Variants in ADARB2 observed in about 807,000 individuals in gnomAD.
ADARB2 encodes the protein adenosine deaminase RNA specific B2 (inactive), also known as inactive double-stranded RNA-specific editase B2.
A neutral mutation model predicts 62.2 loss-of-function variants in ADARB2; 25 were observed. The ratio of observed to expected loss-of-function variants is 0.40; its 90% CI spans 0.29 to 0.56. The LOEUF is 0.56. Ranked by LOEUF, ADARB2 falls within the 20% of genes least tolerant of loss-of-function variation. ADARB2 has a pLI of 0.43. For synonymous variants in ADARB2, 572 were observed against 500.8 expected, an observed-to-expected ratio of 1.14 and a Z score of -1.90; for missense variants, 1,071 against 1,077.4, an observed-to-expected ratio of 0.99 and a Z score of 0.08.
rs540457103 is a variant in ADARB2 at position 1,258,365 on chromosome 10, A to G, written c.1192+12590T>C. Among the ~76,000 whole-genome samples the G allele has an allele frequency of 3.9e-4, 59 of 152,296 alleles. No individual in the cohort carries two copies. In the South Asian group the frequency reaches 0.012, roughly 31 times the overall value. ...TCCAATTAAAAGGCACAGACTGGCA[A>G]ATTGGAAAAAGAGTCAAGACCCATC... On this transcript the variant is annotated intron_variant, in intron 4 of 9. Coordinates refer to ENST00000381312, the MANE Select transcript of ADARB2 (RefSeq NM_018702.4).
chr10:1,508,797 A>T (rs1831884432), intron 1 of ADARB2, among the ~76,000 whole-genome samples: 1 of 152,212 alleles, frequency 6.6e-6, no homozygotes, highest in Non-Finnish European at 1.5e-5. Context: ...CAAATAAAGA[A>T]GGAAAGAAGT....
intron 1 of ADARB2, among the ~76,000 whole-genome samples, chr10:1,395,299 C>T (rs1023552380): frequency 2.0e-5 from 3 of 152,176 alleles, no homozygotes; most frequent in Non-Finnish European, 4.4e-5. Context: ...AGGCTTTAAG[C>T]CCCATGGTGA....
chr10:1,251,639 TTGG>T (rs1831038763), intron 4 of ADARB2, among the ~76,000 whole-genome samples: 1 of 152,186 alleles, frequency 6.6e-6, no homozygotes, highest in Admixed American at 6.5e-5. Flanking sequence ...ATGTATAAAC[TTGG>T]TGGGTGCTAT....
At chr10:1,646,095 C>G (rs1029644115) in intron 1 of ADARB2, among the ~76,000 whole-genome samples, 34 of 152,164 alleles carry the variant, frequency 2.2e-4, no homozygotes, top group African/African-American at 7.0e-4. Context: ...GAGGGAAGAT[C>G]CCCATGTGGA....
intron 1 of ADARB2, among the ~76,000 whole-genome samples, chr10:1,555,531 G>A (rs1282161272): frequency 3.9e-5 from 6 of 152,194 alleles, no homozygotes; most frequent in Non-Finnish European, 8.8e-5. Context: ...TGCAGGGACC[G>A]TGAGTGAGTG....
intron 1 of ADARB2, among the ~76,000 whole-genome samples, chr10:1,420,627 A>AG (rs1242727367): frequency 6.6e-6 from 1 of 151,652 alleles, no homozygotes; most frequent in Non-Finnish European, 1.5e-5. Flanking sequence ...AAAAAAAAAA[A>AG]AAAGGCAGAG....
At chr10:1,671,885 C>T (rs537071531) in intron 1 of ADARB2, among the ~76,000 whole-genome samples, 6 of 152,158 alleles carry the variant, frequency 3.9e-5, no homozygotes, top group Admixed American at 6.5e-5. Context: ...TTCTCACTTG[C>T]ACTGGGGGGG....
chr10:1,725,090 G>A lies in ADARB2; in HGVS notation c.100+11961C>T, dbSNP rs569444342. 6.6e-5 allele frequency among the ~76,000 whole-genome samples: 10 copies of A among 152,314 alleles called. No individual in the cohort carries two copies. In the East Asian group the frequency reaches 1.7e-3, roughly 26 times the overall value. The stretch of plus-strand genomic sequence containing the variant: ...TGCACTGATTCACACCTGACTGAGC[G>A]CATGGACCCTGCAGAGAAGGAAAGT... On this transcript the variant is annotated intron_variant, in intron 1 of 9. Coordinates refer to ENST00000381312, the MANE Select transcript of ADARB2 (RefSeq NM_018702.4).
At chr10:1,712,792 G>T (rs1399697370) in intron 1 of ADARB2, among the ~76,000 whole-genome samples, 5 of 151,416 alleles carry the variant, frequency 3.3e-5, no homozygotes, top group Admixed American at 1.3e-4. Context: ...TGTATTTTTA[G>T]TAGAGACAGG....
Position 1,597,472 on chromosome 10 carries a change from T to G in ADARB2, c.100+139579A>C, listed in dbSNP as rs533084110. ...AGTGGGCACAGGACATGAGCAGACATTTTCAAAAAGAGACATATGAGGGGC... is the reference window on the plus strand; with the variant it reads ...AGTGGGCACAGGACATGAGCAGACAGTTTCAAAAAGAGACATATGAGGGGC... On this transcript the variant is annotated intron_variant, in intron 1 of 9. Transcript: ENST00000381312. Among the ~76,000 whole-genome samples the G allele has an allele frequency of 3.9e-5, 6 of 152,252 alleles. No individual in the cohort carries two copies. The South Asian group carries it at 1.0e-3, about 26-fold the overall frequency.
At chr10:1,498,581 C>T (rs1831722241) in intron 1 of ADARB2, among the ~76,000 whole-genome samples, 1 of 151,956 alleles carries the variant, frequency 6.6e-6, no homozygotes, top group South Asian at 2.1e-4. Context: ...AAGTGGAAAT[C>T]ATCCATCTAT....
intron 1 of ADARB2, among the ~76,000 whole-genome samples, chr10:1,598,839 C>T (rs1356377271): frequency 6.6e-6 from 1 of 152,232 alleles, no homozygotes; most frequent in African/African-American, 2.4e-5. Context: ...ATCTCCCAGG[C>T]AGGGATCTCA....
At chr10:1,281,709 T>A (rs1831372839) in intron 3 of ADARB2, among the ~76,000 whole-genome samples, 1 of 152,176 alleles carries the variant, frequency 6.6e-6, no homozygotes, top group Admixed American at 6.5e-5. Context: ...TGGCACTAGG[T>A]TCCTGGGTGA....
rs1329183705 is a variant in ADARB2 at position 1,478,993 on chromosome 10, G to A, written c.101-99833C>T. Among the ~76,000 whole-genome samples the A allele has an allele frequency of 6.6e-5, 10 of 152,316 alleles. No homozygotes were observed. In the East Asian group the frequency reaches 1.7e-3, roughly 26 times the overall value. On this transcript the variant is annotated intron_variant, in intron 1 of 9. Transcript: ENST00000381312. ...TCACCAACGAATCCAATAGCTGGTA[G>A]CACCCTCCCAAAAGGTAAGCCAGCA...
chr10:1,192,051 A>G (rs954027950), intron 8 of ADARB2, among the ~76,000 whole-genome samples: 3 of 152,258 alleles, frequency 2.0e-5, no homozygotes, highest in Non-Finnish European at 2.9e-5. Context: ...TCGCGGAGCT[A>G]TAAAAAGATG....
At chr10:1,721,178 G>A (rs1480631378) in intron 1 of ADARB2, among the ~76,000 whole-genome samples, 1 of 152,104 alleles carries the variant, frequency 6.6e-6, no homozygotes, top group African/African-American at 2.4e-5. Context: ...AAGGGCCCTG[G>A]CCCCAGCAGA....
chr10:1,584,375 T>C (rs186655597), intron 1 of ADARB2, among the ~76,000 whole-genome samples: 1 of 152,160 alleles, frequency 6.6e-6, no homozygotes, highest in East Asian at 1.9e-4. Context: ...AGAACGCAGA[T>C]AAAAACACCA....
rs1031660679 is a variant in ADARB2, at chr10:1,714,952, T to C, written c.100+22099A>G. 3.3e-5 allele frequency among the ~76,000 whole-genome samples: 5 copies of C among 151,886 alleles called. No homozygotes were observed. In the South Asian group the frequency reaches 6.3e-4, roughly 19 times the overall value. Reference sequence around the variant, plus strand: ...GTGCCATGTTGGTGTGCTGCACCCATTAACTGGTCATTTAGCATTAGGTAT... The same window carrying C: ...GTGCCATGTTGGTGTGCTGCACCCACTAACTGGTCATTTAGCATTAGGTAT... On this transcript the variant is annotated intron_variant, in intron 1 of 9. Coordinates refer to ENST00000381312, the MANE Select transcript of ADARB2 (RefSeq NM_018702.4).
rs374335517 is a variant in ADARB2 at position 1,370,457 on chromosome 10, G to A, written c.188-6540C>T. On this transcript the variant is annotated intron_variant, in intron 2 of 9. Transcript: ENST00000381312. ...CTGGAAGTCCTAACCAGAGAAATCAGGCAAGAGAAAGAAATAAAAGACATC... is the reference window on the plus strand; with the variant it reads ...CTGGAAGTCCTAACCAGAGAAATCAAGCAAGAGAAAGAAATAAAAGACATC... Among the ~76,000 whole-genome samples the A allele has an allele frequency of 5.4e-4, 82 of 152,074 alleles. 1 individual carries two copies. The highest frequency in any genetic ancestry group is 1.8e-3 in the African/African-American group (75 of 41,408).
Sources: gnomAD v4.1 joint callset for allele counts (sites outside exome capture counted in the v4.1 genomes callset) on GRCh38, gnomAD v4.1.1 for gene constraint, MANE v1.5 for transcripts, NCBI Gene and HGNC (gene_info 2026-07-23, HGNC 2026-07-21) for gene names.